The following RBMS2 variants were observed in gnomAD, a reference collection of about 807,000 sequenced individuals.
The protein encoded by RBMS2 is RNA binding motif single stranded interacting protein 2.
A neutral mutation model predicts 58.4 loss-of-function variants in RBMS2; 38 were observed. The observed-to-expected ratio is 0.65, with a 90% CI of 0.50 to 0.85. The LOEUF is 0.85. Ranked by LOEUF, RBMS2 falls within the 40% of genes least tolerant of loss-of-function variation. The pLI is 0.00. For missense variants in RBMS2, 367 were observed against 503.7 expected (o/e 0.73, Z 2.60); for synonymous variants, 151 against 180.7 (o/e 0.84, Z 1.32).
intron 5 of RBMS2, chr12:56,573,166 G>C: frequency 2.0e-6 from 2 of 983,988 alleles, no homozygotes; most frequent in Middle Eastern, 5.2e-4. Flanking sequence ...GAGTGTTTCA[G>C]ACCTTGGGAA....
At chr12:56,582,236 GT>G (rs1884063979) in intron 9 of RBMS2, 84 bp downstream of exon 9, 1 of 1,222,122 alleles carries the variant, frequency 8.2e-7, no homozygotes, top group East Asian at 2.4e-5. Flanking sequence ...GGAACTACTT[GT>G]TTTTTGTTTT....
chr12:56,562,033 C>T (rs1055947286), intron 1 of RBMS2, among the ~76,000 whole-genome samples: 1 of 151,894 alleles, frequency 6.6e-6, no homozygotes, highest in African/African-American at 2.4e-5. Context: ...TGGTCTCGAT[C>T]TCCTGACCTC....
chr12:56,548,136 C>T (rs1209236938), intron 1 of RBMS2, among the ~76,000 whole-genome samples: 1 of 152,000 alleles, frequency 6.6e-6, no homozygotes, highest in Non-Finnish European at 1.5e-5. Flanking sequence ...AGTGTTTGTA[C>T]ATAGTTGGTA....
Position 56,593,631 on chromosome 12 carries a change from CCA to C in RBMS2, c.*4499_*4500del, listed in dbSNP as rs1885471838. On this transcript the variant is annotated 3_prime_UTR_variant, in exon 14 of 14. Coordinates refer to ENST00000262031, the MANE Select transcript of RBMS2 (RefSeq NM_002898.4). ...GCGTGATCTTGGCTCACTGAAACCT[CCA>C]TCTCCTGGGTTCAAGCAGTTCTCCT... The C allele has an allele frequency of 6.6e-6, 1 of 152,246 alleles. No homozygotes were observed. The highest frequency in any genetic ancestry group is 6.5e-5 in the Admixed American group (1 of 15,274). 9.4% of individuals were successfully genotyped at this position (152,246 alleles called of 1,614,324 possible).
chr12:56,543,359 C>T (rs1179523079), intron 1 of RBMS2, among the ~76,000 whole-genome samples: 2 of 151,820 alleles, frequency 1.3e-5, no homozygotes, highest in African/African-American at 2.4e-5. Context: ...GTGGCAGGCG[C>T]CTGTAATCCC....
At chr12:56,570,836 C>G (rs1882178226) in intron 4 of RBMS2, among the ~76,000 whole-genome samples, 1 of 152,180 alleles carries the variant, frequency 6.6e-6, no homozygotes, top group Non-Finnish European at 1.5e-5. Flanking sequence ...CTCAGCCTTC[C>G]AAAGTGCTGG....
At chr12:56,588,882 G>C (rs545182172) in intron 12 of RBMS2, 50 bp from the exon 13 acceptor site, 2 of 1,583,522 alleles carry the variant, frequency 1.3e-6, no homozygotes, top group South Asian at 1.1e-5. Flanking sequence ...CTGTAGTGGA[G>C]GTGAGGAAAG....
At position 56,589,035 on chromosome 12, in the gene RBMS2, G is replaced by C; in HGVS notation, c.*6+17G>C. On this transcript the variant is annotated intron_variant, in intron 13 of 13. Coordinates refer to ENST00000262031, the MANE Select transcript of RBMS2 (RefSeq NM_002898.4). ...TAACAGTGGGTAAGAACCACATGCT[G>C]GGGGGCAGGGAGGGCTGCACTGGCA... 1 of 1,612,706 alleles carries C rather than the reference G, an allele frequency of 6.2e-7. No homozygotes were observed. Among genetic ancestry groups the C allele is most frequent in the Non-Finnish European group, 8.5e-7 (1 of 1,178,640 alleles).
At chr12:56,574,822 A>T (rs1882862396) in intron 5 of RBMS2, among the ~76,000 whole-genome samples, 1 of 152,210 alleles carries the variant, frequency 6.6e-6, no homozygotes, top group Non-Finnish European at 1.5e-5. Flanking sequence ...TAAATATCAT[A>T]GCAATCTGAT....
In RBMS2 at chr12:56,589,037, GGGGCAGGGA is replaced by G. The variant is rs759128519; in HGVS notation, c.*6+24_*6+32del. On this transcript the variant is annotated intron_variant, in intron 13 of 13. Coordinates refer to ENST00000262031, the MANE Select transcript of RBMS2 (RefSeq NM_002898.4). The stretch of plus-strand genomic sequence containing the variant: ...ACAGTGGGTAAGAACCACATGCTGG[GGGGCAGGGA>G]GGGCTGCACTGGCAGACAGCAGCTC... 4.5e-5 allele frequency: 73 copies of G among 1,613,966 alleles called. No homozygotes were observed. Among genetic ancestry groups the G allele is most frequent in the Non-Finnish European group, 6.2e-5 (73 of 1,179,958 alleles).
chr12:56,536,525 TTTC>T (rs1337055629), intron 1 of RBMS2, among the ~76,000 whole-genome samples: 1 of 148,980 alleles, frequency 6.7e-6, no homozygotes, highest in Non-Finnish European at 1.5e-5. Context: ...TCCTTCCTTC[TTTC>T]TTTTCTCTCT....
chr12:56,541,693 A>G (rs1876122817), intron 1 of RBMS2, among the ~76,000 whole-genome samples: 1 of 152,226 alleles, frequency 6.6e-6, no homozygotes, highest in Admixed American at 6.5e-5. Context: ...GTACTTAAAA[A>G]CCAAACAAAA....
intron 9 of RBMS2, among the ~76,000 whole-genome samples, chr12:56,582,648 C>G (rs1464663673): frequency 1.3e-5 from 2 of 152,050 alleles, no homozygotes; most frequent in East Asian, 1.9e-4. Context: ...AGGATGGGGC[C>G]CAGTGATCTG....
chr12:56,557,463 A>T (rs1879437816), intron 1 of RBMS2, among the ~76,000 whole-genome samples: 1 of 152,160 alleles, frequency 6.6e-6, no homozygotes, highest in Non-Finnish European at 1.5e-5. Flanking sequence ...AAGTTGTTTT[A>T]TAGTAAGCAA....
intron 1 of RBMS2, among the ~76,000 whole-genome samples, chr12:56,549,743 C>G (rs781450058): frequency 6.6e-6 from 1 of 152,100 alleles, no homozygotes; most frequent in Non-Finnish European, 1.5e-5. Context: ...AATGAAGAGC[C>G]AGGCAAGGTG....
intron 5 of RBMS2, among the ~76,000 whole-genome samples, chr12:56,579,911 G>GT (rs901661571): frequency 1.2e-4 from 18 of 151,992 alleles, no homozygotes; most frequent in African/African-American, 3.4e-4. Flanking sequence ...GATCAGAGGG[G>GT]TTTTTTTGTT....
At chr12:56,572,119 T>A (rs889229898) in intron 5 of RBMS2, among the ~76,000 whole-genome samples, 13 of 151,756 alleles carry the variant, frequency 8.6e-5, no homozygotes, top group Non-Finnish European at 1.2e-4. Flanking sequence ...TGAAACCCCG[T>A]CTCTACTAAA....
Position 56,571,792 on chromosome 12 carries a change from A to G in RBMS2, c.479A>G (p.Gln160Arg). ...ELEGMLKPFG[Q>R]VISTRILRDT... The stretch of plus-strand genomic sequence containing the variant: ...GAGGGGATGCTGAAGCCCTTTGGCC[A>G]GGTTATCTCCACCCGTATCCTTCGA... The change falls in exon 5 of 14, where the codon CAG becomes CGG. Residue 160 changes from glutamine (Q) to arginine (R), a missense_variant. Around this residue, in one of 3 missense-constraint regions of RBMS2, gnomAD observed 54 missense variants for 110.4 expected, o/e 0.49. Coordinates refer to ENST00000262031, the MANE Select transcript of RBMS2 (RefSeq NM_002898.4). 1 of 1,602,988 alleles carries G rather than the reference A, an allele frequency of 6.2e-7. No individual in the cohort carries two copies. Among genetic ancestry groups the G allele is most frequent in the Non-Finnish European group, 8.5e-7 (1 of 1,173,480 alleles).
chr12:56,533,002 G>A (rs1222328970), intron 1 of RBMS2, among the ~76,000 whole-genome samples: 3 of 151,124 alleles, frequency 2.0e-5, no homozygotes, highest in Non-Finnish European at 4.4e-5. Context: ...TGGCTCGATC[G>A]TGGCTCACTG....
Sources: allele counts gnomAD v4.1 joint callset (sites outside exome capture counted in the v4.1 genomes callset), GRCh38; gene constraint gnomAD v4.1.1; regional missense constraint gnomAD v4.1.1; transcripts MANE v1.5; gene names NCBI Gene and HGNC (gene_info 2026-07-23, HGNC 2026-07-21).